The following WWP2 variants were observed in gnomAD, a reference collection of about 807,000 sequenced individuals.
The protein encoded by WWP2 is WW domain containing E3 ubiquitin protein ligase 2.
In WWP2, 57 loss-of-function variants were observed where a neutral mutation model predicts 121.0. The observed-to-expected ratio is 0.47, with a 90% confidence interval of 0.38 to 0.59. The LOEUF is 0.59. Among genes scored for constraint, WWP2 ranks in the 20% least tolerant of loss-of-function variants. WWP2 has a pLI of 0.00. For missense variants in WWP2, 962 were observed against 1,158.9 expected, an observed-to-expected ratio of 0.83 and a Z score of 2.47; for synonymous variants, 449 against 441.3, an observed-to-expected ratio of 1.02 and a Z score of -0.22.
At chr16:69,939,514 A>C in intron 23 of WWP2, 101 bp downstream of exon 23, 2 of 1,280,780 alleles carry the variant, frequency 1.6e-6, no homozygotes, top group Non-Finnish European at 2.2e-6. Context: ...CGAGTCTGGC[A>C]GCTTTTGCGT....
chr16:69,856,975 A>G (rs1176543025), intron 6 of WWP2, among the ~76,000 whole-genome samples: 3 of 152,134 alleles, frequency 2.0e-5, no homozygotes, highest in Non-Finnish European at 2.9e-5. Flanking sequence ...TTAAAAAACC[A>G]TATGATTTTA....
chr16:69,914,628 G>A (rs964944675), intron 9 of WWP2, among the ~76,000 whole-genome samples: 5 of 151,986 alleles, frequency 3.3e-5, no homozygotes, highest in Admixed American at 1.3e-4. Context: ...ATGGTGGTGC[G>A]TGCCTGTAGT....
At chr16:69,895,469 C>A (rs1001334924) in intron 8 of WWP2, among the ~76,000 whole-genome samples, 1 of 152,280 alleles carries the variant, frequency 6.6e-6, no homozygotes, top group Non-Finnish European at 1.5e-5. Context: ...AATGTCAGAT[C>A]GGTACAAAAG....
intron 8 of WWP2, among the ~76,000 whole-genome samples, chr16:69,907,474 C>T (rs1567422595): frequency 6.6e-6 from 1 of 152,142 alleles, no homozygotes; most frequent in Non-Finnish European, 1.5e-5. Context: ...CTAGACAGTA[C>T]CCAAAAGTAG....
At chr16:69,801,817 G>A (rs1019673101) in intron 4 of WWP2, among the ~76,000 whole-genome samples, 9 of 151,750 alleles carry the variant, frequency 5.9e-5, no homozygotes, top group African/African-American at 7.3e-5. Context: ...ATTTGTAGAC[G>A]TATATTGATG....
chr16:69,835,585 T>G (rs752097582), intron 4 of WWP2, among the ~76,000 whole-genome samples: 1 of 152,202 alleles, frequency 6.6e-6, no homozygotes, highest in African/African-American at 2.4e-5. Flanking sequence ...TTAACATTTT[T>G]TTGCCAAATT....
intron 12 of WWP2, 81 bp downstream of exon 12, chr16:69,929,610 G>C: frequency 1.6e-6 from 2 of 1,277,948 alleles, no homozygotes; most frequent in Non-Finnish European, 2.3e-6. Flanking sequence ...GCTTTGGACT[G>C]CATCGTCCCA....
chr16:69,919,579 G>A (rs955816451), intron 10 of WWP2, among the ~76,000 whole-genome samples: 5 of 152,168 alleles, frequency 3.3e-5, no homozygotes, highest in Non-Finnish European at 7.3e-5. Flanking sequence ...ACCTGCTGGA[G>A]TCTCCATCCC....
In WWP2 at chr16:69,933,730, G is replaced by T. The variant is rs554337783; in HGVS notation, c.1683-240G>T. Among the ~76,000 whole-genome samples the T allele has an allele frequency of 1.9e-3, 285 of 152,272 alleles. 1 individual carries two copies. Among genetic ancestry groups the T allele is most frequent in the Non-Finnish European group, 2.2e-3 (151 of 68,016 alleles). On this transcript the variant is annotated intron_variant, in intron 16 of 23. Transcript: ENST00000359154. Reference sequence around the variant, plus strand: ...ATCACCTGGGAGCCGACAATCACACGTTTTCCCAAATATCATCCTCAAATG... The same window carrying T: ...ATCACCTGGGAGCCGACAATCACACTTTTTCCCAAATATCATCCTCAAATG...
intron 4 of WWP2, among the ~76,000 whole-genome samples, chr16:69,810,566 T>G (rs553906486): frequency 6.6e-6 from 1 of 151,634 alleles, no homozygotes; most frequent in African/African-American, 2.4e-5. Flanking sequence ...TAGCTGGGAC[T>G]ATAGGCACCC....
intron 4 of WWP2, among the ~76,000 whole-genome samples, chr16:69,811,676 C>T (rs2056395275): frequency 6.6e-6 from 1 of 152,114 alleles, no homozygotes; most frequent in African/African-American, 2.4e-5. Context: ...ATCACTTGGG[C>T]ACAGGACTTA....
At chr16:69,920,232 A>G (rs1412607254) in intron 10 of WWP2, among the ~76,000 whole-genome samples, 1 of 152,206 alleles carries the variant, frequency 6.6e-6, no homozygotes, top group East Asian at 1.9e-4. Context: ...AGAGGTGAGC[A>G]GAAAGTGTGG....
chr16:69,835,579 C>T (rs1205029240), intron 4 of WWP2, among the ~76,000 whole-genome samples: 1 of 152,108 alleles, frequency 6.6e-6, no homozygotes, highest in African/African-American at 2.4e-5. Flanking sequence ...CTCTTGTTAA[C>T]ATTTTTTTGC....
At chr16:69,781,777 T>G (rs1270508929) in intron 1 of WWP2, among the ~76,000 whole-genome samples, 1 of 152,138 alleles carries the variant, frequency 6.6e-6, no homozygotes, top group East Asian at 1.9e-4. Context: ...CTGGGAAGTC[T>G]AAGGTGGAGG....
intron 4 of WWP2, among the ~76,000 whole-genome samples, chr16:69,833,204 A>G (rs1414160341): frequency 6.6e-6 from 1 of 152,220 alleles, no homozygotes; most frequent in East Asian, 1.9e-4. Flanking sequence ...AACAAGATTG[A>G]TATATCTTTT....
chr16:69,808,319 G>A (rs2056322492), intron 4 of WWP2, among the ~76,000 whole-genome samples: 1 of 151,702 alleles, frequency 6.6e-6, no homozygotes, highest in Non-Finnish European at 1.5e-5. Flanking sequence ...GCCCAGGCTG[G>A]TCTCAAGTGA....
rs143303340 is a variant in WWP2 at position 69,798,721 on chromosome 16, G to T, written c.110G>T (p.Arg37Leu). Residue 37 changes from arginine (R) to leucine (L), a missense_variant, in exon 3 of 24, where the codon CGA (arginine) becomes CTA (leucine). Transcript: ENST00000359154. ...AKPKVHNRQP[R>L]INSYVEVAVD... ...CCCAAGGTGCATAATCGTCAACCTC[G>T]AATTAACTCCTACGTGGAGGTGGCG... 21 of 1,613,884 alleles carry T rather than the reference G, an allele frequency of 1.3e-5. No homozygotes were observed. In the African/African-American group the frequency reaches 2.7e-4, roughly 21 times the overall value.
At position 69,937,497 on chromosome 16, in the gene WWP2, C is replaced by T. The variant is rs117860239; in HGVS notation, c.2239-51C>T. The T allele has an allele frequency of 2.7e-5, 43 of 1,586,210 alleles. No individual in the cohort carries two copies. The highest frequency in any genetic ancestry group is 4.0e-5 in the African/African-American group (3 of 74,248). On this transcript the variant is annotated intron_variant, in intron 20 of 23. Transcript: ENST00000359154. This position sits in a 1 kb window ranked among gnomAD's most constrained non-coding sequence, Gnocchi z 6.6. Reference sequence around the variant, plus strand: ...GTAATGTCAAGTGCTAGCGAGTGGACGATGCGCGGGGAGGGACCTGCCGGG... The same window carrying T: ...GTAATGTCAAGTGCTAGCGAGTGGATGATGCGCGGGGAGGGACCTGCCGGG...
intron 6 of WWP2, among the ~76,000 whole-genome samples, chr16:69,845,781 G>A (rs916885435): frequency 9.9e-5 from 15 of 151,960 alleles, no homozygotes; most frequent in African/African-American, 3.1e-4. Context: ...TGGGCGTGGT[G>A]GCTCATGCCT....
Sources: gnomAD v4.1 joint callset for allele counts (sites outside exome capture counted in the v4.1 genomes callset) on GRCh38, gnomAD v4.1.1 for gene constraint, Gnocchi (gnomAD v3.1) non-coding constraint, MANE v1.5 for transcripts, NCBI Gene and HGNC (gene_info 2026-07-23, HGNC 2026-07-21) for gene names.